The following ARHGEF26 variants were observed in gnomAD, a reference collection of about 807,000 sequenced individuals.
ARHGEF26 encodes Rho guanine nucleotide exchange factor (GEF) 26.
In ARHGEF26, 59 loss-of-function variants were observed where a neutral mutation model predicts 89.4. The observed-to-expected ratio is 0.66, with a 90% CI of 0.54 to 0.82. ARHGEF26 has a LOEUF of 0.82. Among genes scored for constraint, ARHGEF26 ranks in the 40% least tolerant of loss-of-function variants. The probability of loss-of-function intolerance (pLI) is 0.00; values close to 1 mark genes in which losing one functional copy is unlikely to be tolerated. For missense variants in ARHGEF26, 1,234 were observed against 1,085.6 expected (o/e 1.14, Z -1.92); for synonymous variants, 500 against 428.4 (o/e 1.17, Z -2.06).
intron 8 of ARHGEF26, among the ~76,000 whole-genome samples, chr3:154,192,962 G>A (rs1714042354): frequency 6.6e-6 from 1 of 152,122 alleles, no homozygotes; most frequent in South Asian, 2.1e-4. Context: ...TGTATGGAAT[G>A]GGACTCTAAA....
intron 8 of ARHGEF26, among the ~76,000 whole-genome samples, chr3:154,192,163 AGT>A (rs1240850682): frequency 1.3e-5 from 2 of 152,122 alleles, no homozygotes; most frequent in Non-Finnish European, 2.9e-5. Context: ...TGGATCACAG[AGT>A]GTCTTTTTGA....
At chr3:154,176,418 C>T (rs965310902) in intron 6 of ARHGEF26, among the ~76,000 whole-genome samples, 1 of 152,056 alleles carries the variant, frequency 6.6e-6, no homozygotes, top group African/African-American at 2.4e-5. Flanking sequence ...AAAGAGGTAA[C>T]ACTAGAAAAT....
intron 8 of ARHGEF26, among the ~76,000 whole-genome samples, chr3:154,194,148 A>G (rs914687350): frequency 6.6e-5 from 10 of 152,168 alleles, no homozygotes; most frequent in African/African-American, 2.2e-4. Context: ...TTCAAAATGT[A>G]TCATCTATAA....
intron 9 of ARHGEF26, among the ~76,000 whole-genome samples, chr3:154,199,313 A>T (rs1714483538): frequency 6.6e-6 from 1 of 152,004 alleles, no homozygotes; most frequent in Non-Finnish European, 1.5e-5. Context: ...AGAACATGTA[A>T]TGTTTGTCTT....
At chr3:154,149,863 T>C (rs2108092059) in intron 5 of ARHGEF26, among the ~76,000 whole-genome samples, 1 of 151,940 alleles carries the variant, frequency 6.6e-6, no homozygotes, top group East Asian at 1.9e-4. Flanking sequence ...CAAGGGTCTC[T>C]GAACCCTTTT....
intron 4 of ARHGEF26, among the ~76,000 whole-genome samples, chr3:154,133,095 G>A (rs1718788120): frequency 6.6e-6 from 1 of 152,138 alleles, no homozygotes; most frequent in South Asian, 2.1e-4. Flanking sequence ...CTTATCAGTT[G>A]ACTATAAGAA....
intron 9 of ARHGEF26, among the ~76,000 whole-genome samples, chr3:154,207,156 A>G (rs1715069003): frequency 6.6e-6 from 1 of 152,220 alleles, no homozygotes; most frequent in Non-Finnish European, 1.5e-5. Context: ...TAAAACCCTG[A>G]AAGAAAACCT....
At chr3:154,131,329 C>A (rs1036961245) in intron 4 of ARHGEF26, among the ~76,000 whole-genome samples, 1 of 152,150 alleles carries the variant, frequency 6.6e-6, no homozygotes, top group African/African-American at 2.4e-5. Flanking sequence ...AGTATTTTCT[C>A]AACTCAAATT....
In ARHGEF26 at chr3:154,221,152, A is replaced by C. The variant is rs186167386; in HGVS notation, c.1935+3194A>C. Among the ~76,000 whole-genome samples, 123 of 150,912 alleles carry C rather than the reference A, an allele frequency of 8.2e-4. 3 individuals carry two copies. The highest frequency in any genetic ancestry group is 8.1e-3 in the Admixed American group (122 of 15,048). ...AAATTCCTGTTGTGTAAAACAAAAA[A>C]AAAAAACCACTAGAAAGTTGCAAAT... On this transcript the variant is annotated intron_variant, in intron 10 of 14. Coordinates refer to ENST00000465093, the MANE Select transcript of ARHGEF26 (RefSeq NM_015595.4).
At chr3:154,236,267 A>G (rs1241037117) in intron 11 of ARHGEF26, among the ~76,000 whole-genome samples, 1 of 152,232 alleles carries the variant, frequency 6.6e-6, no homozygotes, top group Non-Finnish European at 1.5e-5. Context: ...AAAGGTTACT[A>G]GGACCTTAAG....
intron 9 of ARHGEF26, 59 bp downstream of exon 9, chr3:154,194,777 CAA>C: frequency 7.0e-7 from 1 of 1,429,492 alleles, no homozygotes; most frequent in Non-Finnish European, 9.7e-7. Flanking sequence ...AGCTCAGACA[CAA>C]AGTGTGTCTT....
At chr3:154,234,797 A>G (rs1236029198) in intron 11 of ARHGEF26, among the ~76,000 whole-genome samples, 6 of 151,998 alleles carry the variant, frequency 3.9e-5, no homozygotes, top group African/African-American at 7.2e-5. Flanking sequence ...GCGGAGTCTC[A>G]CTTTGTCGCC....
At chr3:154,130,308 T>A (rs1718610086) in intron 4 of ARHGEF26, among the ~76,000 whole-genome samples, 1 of 151,944 alleles carries the variant, frequency 6.6e-6, no homozygotes, top group Admixed American at 6.6e-5. Flanking sequence ...ACCCAGCTAA[T>A]TTTTGTATTT....
At chr3:154,143,399 T>C (rs554947668) in intron 4 of ARHGEF26, among the ~76,000 whole-genome samples, 1 of 152,314 alleles carries the variant, frequency 6.6e-6, no homozygotes, top group Middle Eastern at 3.4e-3. Flanking sequence ...AACAGTGTTA[T>C]GAATGACCTT....
Position 154,222,285 on chromosome 3 carries a change from A to G in ARHGEF26, c.1936-3571A>G, listed in dbSNP as rs556623987. 2.6e-5 allele frequency among the ~76,000 whole-genome samples: 4 copies of G among 151,998 alleles called. No individual in the cohort carries two copies. The East Asian group carries it at 7.7e-4, about 29-fold the overall frequency. Reference sequence around the variant, plus strand: ...TCATTTCACACGTTTTTTATTTTTAATTTTGCTTATGATTTTCTGGAAGAC... The same window carrying G: ...TCATTTCACACGTTTTTTATTTTTAGTTTTGCTTATGATTTTCTGGAAGAC... On this transcript the variant is annotated intron_variant, in intron 10 of 14. Transcript: ENST00000465093.
chr3:154,231,716 C>G (rs949443158), intron 11 of ARHGEF26, among the ~76,000 whole-genome samples: 3 of 152,196 alleles, frequency 2.0e-5, no homozygotes, highest in African/African-American at 4.8e-5. Flanking sequence ...ACGGCACGCT[C>G]TAGGACCAGA....
intron 11 of ARHGEF26, among the ~76,000 whole-genome samples, chr3:154,239,583 T>C (rs559402184): frequency 1.3e-5 from 2 of 152,052 alleles, no homozygotes; most frequent in South Asian, 4.2e-4. Context: ...CAGGTTTCTT[T>C]TAAGGCAAGA....
chr3:154,185,758 T>C (rs926753593), intron 6 of ARHGEF26, among the ~76,000 whole-genome samples: 1 of 152,188 alleles, frequency 6.6e-6, no homozygotes, highest in African/African-American at 2.4e-5. Flanking sequence ...TGGCTGAAAG[T>C]TCCAGCTCTG....
intron 10 of ARHGEF26, among the ~76,000 whole-genome samples, chr3:154,224,773 C>T (rs536161233): frequency 3.5e-4 from 54 of 152,142 alleles, no homozygotes; most frequent in Non-Finnish European, 6.3e-4. Context: ...CTTTTATCTT[C>T]GTTTTTTGGA....
Sources: allele counts gnomAD v4.1 joint callset (sites outside exome capture counted in the v4.1 genomes callset), GRCh38; gene constraint gnomAD v4.1.1; transcripts MANE v1.5; gene names NCBI Gene and HGNC (gene_info 2026-07-23, HGNC 2026-07-21).